The following EFNA1 variants were observed in gnomAD, a reference collection of about 807,000 sequenced individuals.
EFNA1 encodes ephrin-A1.
In EFNA1, 8 loss-of-function variants were observed where a neutral mutation model predicts 23.2. That is an observed-to-expected ratio of 0.34 (90% CI 0.20 to 0.62). EFNA1 has a LOEUF of 0.62. Ranked by LOEUF, EFNA1 falls within the 20% of genes least tolerant of loss-of-function variation. EFNA1 has a pLI of 0.75. For missense variants in EFNA1, 217 were observed against 260.0 expected, an observed-to-expected ratio of 0.83 and a Z score of 1.14; for synonymous variants, 89 against 98.6, an observed-to-expected ratio of 0.90 and a Z score of 0.58.
rs1283679292 is a variant in EFNA1, at chr1:155,127,952, C to T, written c.-26C>T. On this transcript the variant is annotated 5_prime_UTR_variant, in exon 1 of 5. Transcript: ENST00000368407. The surrounding 1 kb of genome is among the most constrained non-coding windows in gnomAD (Gnocchi z 4.4). Reference sequence around the variant, plus strand: ...CAGACCCATAGGAGACCCGCGTCCCCGCTCGGCCTGGCCAGGCCCCGCGCT... The same window carrying T: ...CAGACCCATAGGAGACCCGCGTCCCTGCTCGGCCTGGCCAGGCCCCGCGCT... The T allele has an allele frequency of 2.3e-5, 37 of 1,603,356 alleles. No homozygotes were observed. Among genetic ancestry groups the T allele is most frequent in the Non-Finnish European group, 3.1e-5 (36 of 1,173,754 alleles).
chr1:155,132,817 GGA>G (rs542021227), intron 2 of EFNA1, among the ~76,000 whole-genome samples: 52 of 151,988 alleles, frequency 3.4e-4, no homozygotes, highest in African/African-American at 1.2e-3. Context: ...GGTGACAGAG[GGA>G]GACTCCGTTT....
rs1463029462 is a variant in EFNA1, at chr1:155,134,259, G to A, written c.*192G>A. 12 of 605,418 alleles carry A rather than the reference G, an allele frequency of 2.0e-5. No homozygotes were observed. The highest frequency in any genetic ancestry group is 1.7e-4 in the South Asian group (9 of 51,826). The allele number at this position is 605,418 out of a possible 1,614,324, so 37.5% of individuals were successfully genotyped here. On this transcript the variant is annotated 3_prime_UTR_variant, in exon 5 of 5. Coordinates refer to ENST00000368407, the MANE Select transcript of EFNA1 (RefSeq NM_004428.3). The stretch of plus-strand genomic sequence containing the variant: ...CAACCGGAAGGAGGCCAACCAGCCC[G>A]ACAGTGCCATCCCCACCTTCACCTC...
Position 155,132,595 on chromosome 1 carries a change from AG to A in EFNA1, c.389-906del, listed in dbSNP as rs373841717. On this transcript the variant is annotated intron_variant, in intron 2 of 4. Coordinates refer to ENST00000368407, the MANE Select transcript of EFNA1 (RefSeq NM_004428.3). ...GATCATCCAGCACTTTGGGAGGCCG[AG>A]GTGGGTGGATCACCTAGGGTCAGGA... 6.0e-3 allele frequency among the ~76,000 whole-genome samples: 884 copies of A among 146,726 alleles called. 8 individuals are homozygous for A. The highest frequency in any genetic ancestry group is 0.021 in the African/African-American group (844 of 40,550).
At chr1:155,133,651 T>G (rs1192503481) in intron 3 of EFNA1, 79 bp from the exon 4 acceptor site, 2 of 1,608,490 alleles carry the variant, frequency 1.2e-6, no homozygotes, top group African/African-American at 2.7e-5. Context: ...ATAGAAGTCT[T>G]GCAGCCCAGC....
chr1:155,129,551 A>ACG (rs1557785310), intron 1 of EFNA1: 1 of 118,768 alleles, frequency 8.4e-6, no homozygotes, highest in Non-Finnish European at 1.6e-5. Flanking sequence ...ACACACACGC[A>ACG]CACCCTATCA....
rs1557785908 is a variant in EFNA1 at position 155,131,322 on chromosome 1, C to A, written c.93-17C>A. ...TCTGAATGACCACCTGCTTCTTCCC[C>A]CTGTGTGTGTCCCCAGGTTCCGGAA... On this transcript the variant is annotated splice_polypyrimidine_tract_variant and intron_variant, in intron 1 of 4. Coordinates refer to ENST00000368407, the MANE Select transcript of EFNA1 (RefSeq NM_004428.3). 1.3e-6 allele frequency: 2 copies of A among 1,594,970 alleles called. No homozygotes were observed. Among genetic ancestry groups the A allele is most frequent in the South Asian group, 2.2e-5 (2 of 90,628 alleles).
chr1:155,134,327 T>G lies in EFNA1; in HGVS notation c.*260T>G. 1 of 522,450 alleles carries G rather than the reference T, an allele frequency of 1.9e-6. No individual in the cohort carries two copies. Among genetic ancestry groups the G allele is most frequent in the East Asian group, 3.5e-5 (1 of 28,802 alleles). 32.4% of individuals were successfully genotyped at this position (522,450 alleles called of 1,614,324 possible). Reference sequence around the variant, plus strand: ...AGTGGAGACAGTCCTTTCCCACCATTCCTGCCTTTAAGCCAAAGAAACAAG... The same window carrying G: ...AGTGGAGACAGTCCTTTCCCACCATGCCTGCCTTTAAGCCAAAGAAACAAG... On this transcript the variant is annotated 3_prime_UTR_variant, in exon 5 of 5. Coordinates refer to ENST00000368407, the MANE Select transcript of EFNA1 (RefSeq NM_004428.3).
intron 2 of EFNA1, 138 bp downstream of exon 2, chr1:155,131,772 A>C: frequency 2.0e-6 from 2 of 984,676 alleles, no homozygotes; most frequent in South Asian, 1.7e-5. Flanking sequence ...CTACATCCCA[A>C]TGTGAGTGAG....
Position 155,133,970 on chromosome 1 carries a change from G to A in EFNA1, c.521G>A (p.Arg174Gln), listed in dbSNP as rs139969988. ...CACCTTGCAGATGACCCAGAGGTGC[G>A]GGTTCTACATAGCATCGGTCACAGT... ...KRLAADDPEV[R>Q]VLHSIGHSAA... The change falls in exon 5 of 5, where the codon CGG becomes CAG. Residue 174 changes from arginine to glutamine, a missense_variant. Transcript: ENST00000368407. The A allele has an allele frequency of 8.5e-4, 1,376 of 1,613,984 alleles. 1 individual carries two copies. Among genetic ancestry groups the A allele is most frequent in the Non-Finnish European group, 9.6e-4 (1,127 of 1,179,972 alleles).
At position 155,131,505 on chromosome 1, in the gene EFNA1, C is replaced by A; in HGVS notation, c.259C>A (p.Gln87Lys). 6.2e-7 allele frequency: 1 copy of A among 1,613,602 alleles called. No homozygotes were observed. Among genetic ancestry groups the A allele is most frequent in the Non-Finnish European group, 8.5e-7 (1 of 1,179,786 alleles). The change falls in exon 2 of 5, where the codon CAA becomes AAA. Residue 87 changes from glutamine to lysine, a missense_variant. Gln to Lys is a moderately conservative substitution (Grantham distance 53, BLOSUM62 1). Coordinates refer to ENST00000368407, the MANE Select transcript of EFNA1 (RefSeq NM_004428.3). ...GCTGTGCCAGCCCCAGTCCAAGGAC[C>A]AAGTCCGCTGGCAGTGCAACCGGCC... ...YQLCQPQSKD[Q>K]VRWQCNRPSA... is the part of the protein sequence containing the mutation.
At chr1:155,130,435 A>C (rs1571684554) in intron 1 of EFNA1, 4 of 795,988 alleles carry the variant, frequency 5.0e-6, no homozygotes, top group Non-Finnish European at 5.9e-6. Flanking sequence ...GGAATGAACT[A>C]GGGGAGGGGT....
Position 155,134,012 on chromosome 1 carries a change from TC to T in EFNA1, c.566del (p.Pro189HisfsTer26). 1 of 1,614,158 alleles carries T rather than the reference TC, an allele frequency of 6.2e-7. No individual in the cohort carries two copies. The highest frequency in any genetic ancestry group is 1.1e-5 in the South Asian group (1 of 91,086). On this transcript the variant is annotated frameshift_variant, in exon 5 of 5. Coordinates refer to ENST00000368407, the MANE Select transcript of EFNA1 (RefSeq NM_004428.3). LOFTEE classifies it high-confidence loss of function. The stretch of plus-strand genomic sequence containing the variant: ...GGTCACAGTGCTGCCCCACGCCTCT[TC>T]CCACTTGCCTGGACTGTGCTGCTCC... ...SIGHSAAPRL[F>X]PLAWTVLLLP...
chr1:155,128,181 GA>G, intron 1 of EFNA1, 112 bp downstream of exon 1: 1 of 911,702 alleles, frequency 1.1e-6, no homozygotes, highest in East Asian at 2.7e-5. Context: ...ACCGAGGTAG[GA>G]GGGCGGCTGT....
chr1:155,130,491 A>G (rs759597661), intron 1 of EFNA1: 4 of 961,838 alleles, frequency 4.2e-6, no homozygotes, highest in Non-Finnish European at 4.9e-6. Flanking sequence ...AGAGGGGGAG[A>G]GGAGGAGAGA....
rs73001398 is a variant in EFNA1, at chr1:155,134,162, C to T, written c.*95C>T. On this transcript the variant is annotated 3_prime_UTR_variant, in exon 5 of 5. Transcript: ENST00000368407. ...TGGGGCCACTTTCAGAGCCCCCAGCCCTGGGAACCACTCCCACCACAGGCA... is the reference window on the plus strand; with the variant it reads ...TGGGGCCACTTTCAGAGCCCCCAGCTCTGGGAACCACTCCCACCACAGGCA... 1.3e-3 allele frequency: 1,636 copies of T among 1,223,540 alleles called. 17 individuals carry two copies. The African/African-American group carries it at 0.022, about 17-fold the overall frequency. 75.8% of individuals were successfully genotyped at this position (1,223,540 alleles called of 1,614,324 possible).
At chr1:155,132,689 G>A (rs1413851527) in intron 2 of EFNA1, among the ~76,000 whole-genome samples, 3 of 151,614 alleles carry the variant, frequency 2.0e-5, no homozygotes, top group Non-Finnish European at 2.9e-5. Context: ...AATTAGCCGA[G>A]TGTGGTGGCG....
intron 1 of EFNA1, 138 bp from the exon 2 acceptor site, chr1:155,131,201 T>C (rs1203803589): frequency 7.4e-7 from 1 of 1,358,844 alleles, no homozygotes; most frequent in Admixed American, 2.4e-5. Flanking sequence ...GATCAGTACA[T>C]ATTGGGAGTT....
At position 155,128,037 on chromosome 1, in the gene EFNA1, C is replaced by A. The variant is rs772857813; in HGVS notation, c.60C>A (p.Arg20=). The A allele has an allele frequency of 2.5e-6, 4 of 1,613,826 alleles. No individual in the cohort carries two copies. Among genetic ancestry groups the A allele is most frequent in the Non-Finnish European group, 3.4e-6 (4 of 1,179,976 alleles). ...GLCCSLAAAD[R]HTVFWNSSNP... ...GCTGCAGTCTGGCCGCTGCTGATCG[C>A]CACACCGTCTTCTGGAACAGTTCAA... is the stretch of plus-strand genomic sequence containing the variant. Residue 20 remains arginine, a synonymous_variant, in exon 1 of 5, where the codon CGC becomes CGA. Coordinates refer to ENST00000368407, the MANE Select transcript of EFNA1 (RefSeq NM_004428.3).
intron 1 of EFNA1, 50 bp from the exon 2 acceptor site, chr1:155,131,289 G>A (rs1029567797): frequency 3.2e-6 from 5 of 1,570,716 alleles, no homozygotes; most frequent in African/African-American, 2.7e-5. Flanking sequence ...CAAGGATCTG[G>A]CCTGGCTTCT....
Sources: gnomAD v4.1 joint callset for allele counts (sites outside exome capture counted in the v4.1 genomes callset) on GRCh38, gnomAD v4.1.1 for gene constraint, Gnocchi (gnomAD v3.1) non-coding constraint, MANE v1.5 for transcripts, NCBI Gene and HGNC (gene_info 2026-07-23, HGNC 2026-07-21) for gene names.